The following EARS2 variants were observed in gnomAD, a reference collection of about 807,000 sequenced individuals.
EARS2 encodes the protein glutamyl-tRNA synthetase 2, mitochondrial, also known as nondiscriminating glutamyl-tRNA synthetase EARS2, mitochondrial.
Under a neutral mutation model 54.1 loss-of-function variants are expected in EARS2, and 50 were observed. The ratio of observed to expected loss-of-function variants is 0.92; its 90% confidence interval spans 0.74 to 1.17. The LOEUF is 1.17. Ranked by LOEUF, EARS2 falls within the 50% of genes most tolerant of loss-of-function variation. The pLI is 0.00. For missense variants in EARS2, 673 were observed against 675.0 expected, an observed-to-expected ratio of 1.00 and a Z score of 0.03; for synonymous variants, 298 against 281.0, an observed-to-expected ratio of 1.06 and a Z score of -0.61.
chr16:23,525,078 A>G, intron 8 of EARS2, 166 bp downstream of exon 8: 1 of 821,284 alleles, frequency 1.2e-6, no homozygotes, highest in Non-Finnish European at 2.0e-6. Flanking sequence ...ATGCTTGCAC[A>G]TAGTAGGTAC....
intron 1 of EARS2, among the ~76,000 whole-genome samples, chr16:23,556,209 G>A (rs1965779489): frequency 6.6e-6 from 1 of 151,992 alleles, no homozygotes; most frequent in South Asian, 2.1e-4. Context: ...GAACGTAGAA[G>A]GTAGCCTTAC....
chr16:23,548,369 G>A (rs543383331), intron 2 of EARS2, among the ~76,000 whole-genome samples: 20 of 152,164 alleles, frequency 1.3e-4, no homozygotes, highest in South Asian at 4.2e-4. Flanking sequence ...CCTCTGCCTC[G>A]CCAAAACACC....
At chr16:23,531,186 C>T (rs1240043799) in intron 5 of EARS2, among the ~76,000 whole-genome samples, 15 of 152,092 alleles carry the variant, frequency 9.9e-5, no homozygotes, top group Admixed American at 3.9e-4. Context: ...CATGAGCCAC[C>T]GCGCCCAGCC....
intron 1 of EARS2, 128 bp from the exon 2 acceptor site, chr16:23,552,432 C>T (rs1011299526): frequency 2.7e-5 from 28 of 1,051,324 alleles, no homozygotes; most frequent in South Asian, 6.5e-5. Flanking sequence ...CATTGGCTCA[C>T]GCCTGTAATC....
At chr16:23,539,332 T>C (rs1010075418) in intron 3 of EARS2, among the ~76,000 whole-genome samples, 1 of 152,188 alleles carries the variant, frequency 6.6e-6, no homozygotes, top group Non-Finnish European at 1.5e-5. Context: ...TTTTGGTTTG[T>C]GAAATCCATA....
At chr16:23,536,951 G>A (rs1424516384) in intron 3 of EARS2, 1 of 154,656 alleles carries the variant, frequency 6.5e-6, no homozygotes, top group African/African-American at 2.4e-5. Context: ...ATAGTGCTGG[G>A]ATTACAGGTG....
intron 7 of EARS2, among the ~76,000 whole-genome samples, chr16:23,529,119 C>T (rs577863146): frequency 2.0e-5 from 3 of 152,266 alleles, no homozygotes; most frequent in East Asian, 1.9e-4. Context: ...GCTTTGGTTG[C>T]GTTTGTAATT....
intron 2 of EARS2, chr16:23,545,021 T>G: frequency 4.3e-6 from 1 of 235,186 alleles, no homozygotes; most frequent in Non-Finnish European, 8.3e-6. Context: ...TTTGTATTTT[T>G]AGTAGAGACA....
intron 1 of EARS2, among the ~76,000 whole-genome samples, chr16:23,553,644 C>T (rs1006994895): frequency 2.6e-5 from 4 of 152,048 alleles, no homozygotes; most frequent in African/African-American, 9.7e-5. Context: ...TTAATCCCAG[C>T]ACTTTGGGAG....
At chr16:23,548,459 G>A (rs1243300967) in intron 2 of EARS2, among the ~76,000 whole-genome samples, 2 of 151,998 alleles carry the variant, frequency 1.3e-5, no homozygotes, top group African/African-American at 2.4e-5. Flanking sequence ...GGTGGGACCC[G>A]CCACCATCAC....
At position 23,524,463 on chromosome 16, in the gene EARS2, A is replaced by C. The variant is rs1965190896; in HGVS notation, c.1489-9T>G. The C allele has an allele frequency of 6.2e-7, 1 of 1,612,808 alleles. No individual in the cohort carries two copies. The highest frequency in any genetic ancestry group is 8.5e-7 in the Non-Finnish European group (1 of 1,178,870). ...GCTACAGGAGGTCCTTGCTAAGAAC[A>C]AAAAGAGCAAATATTGCCTTACTAC... is the stretch of plus-strand genomic sequence containing the variant. On this transcript the variant is annotated splice_polypyrimidine_tract_variant and intron_variant, in intron 8 of 8. Coordinates refer to ENST00000449606, the MANE Select transcript of EARS2 (RefSeq NM_001083614.2).
In EARS2 at chr16:23,536,412, G is replaced by A. The variant is rs536703869; in HGVS notation, c.486-1052C>T. 5.3e-5 allele frequency among the ~76,000 whole-genome samples: 8 copies of A among 152,216 alleles called. 1 individual carries two copies. In the South Asian group the frequency reaches 1.0e-3, roughly 20 times the overall value. On this transcript the variant is annotated intron_variant, in intron 3 of 8. Transcript: ENST00000449606. Reference sequence around the variant, plus strand: ...CTGACCTCAAGGGTTCAAGACCAGCGTGGGTAACATAGCAAAATCCTGTCT... The same window carrying A: ...CTGACCTCAAGGGTTCAAGACCAGCATGGGTAACATAGCAAAATCCTGTCT...
intron 4 of EARS2, among the ~76,000 whole-genome samples, chr16:23,533,546 C>T (rs1387119110): frequency 6.6e-6 from 1 of 152,126 alleles, no homozygotes; most frequent in Non-Finnish European, 1.5e-5. Context: ...ATATCAAGAG[C>T]CTGAATGAGC....
chr16:23,557,325 T>A lies in EARS2; in HGVS notation c.19A>T (p.Arg7Ter), dbSNP rs897651550. ...GAAGGCCTCTCGCGCTGCAGCAGTC[T>A]CCTCAGGAGCGCCGCCATGTGGGAT... MAALLR[R>*]LLQRERPSAA... The change falls in exon 1 of 9, where the codon AGA (arginine) becomes TGA (stop). Residue 7 changes from arginine (R) to a stop codon, truncating the protein, a stop_gained. Transcript: ENST00000449606. LOFTEE classifies it high-confidence loss of function. 12 of 1,541,574 alleles carry A rather than the reference T, an allele frequency of 7.8e-6. No homozygotes were observed. Among genetic ancestry groups the A allele is most frequent in the Non-Finnish European group, 1.0e-5 (12 of 1,151,350 alleles).
At chr16:23,533,510 A>C (rs1965360757) in intron 4 of EARS2, among the ~76,000 whole-genome samples, 1 of 152,164 alleles carries the variant, frequency 6.6e-6, no homozygotes, top group Admixed American at 6.5e-5. Context: ...ACTTTGCCCA[A>C]AGGGATTTAA....
At chr16:23,531,606 C>A (rs559049063) in intron 5 of EARS2, among the ~76,000 whole-genome samples, 1 of 152,146 alleles carries the variant, frequency 6.6e-6, no homozygotes, top group East Asian at 1.9e-4. Context: ...GTTCCTCATA[C>A]GTGAAACAGG....
At chr16:23,542,857 G>A (rs1478737718) in intron 3 of EARS2, among the ~76,000 whole-genome samples, 1 of 151,018 alleles carries the variant, frequency 6.6e-6, no homozygotes, top group East Asian at 2.0e-4. Flanking sequence ...GTTCACGCCT[G>A]TAATCCCAGC....
chr16:23,546,494 A>G (rs1965605568), intron 2 of EARS2: 1 of 453,128 alleles, frequency 2.2e-6, no homozygotes, highest in Non-Finnish European at 4.4e-6. Flanking sequence ...GACTAGAGTA[A>G]GATGATCTAA....
intron 7 of EARS2, among the ~76,000 whole-genome samples, chr16:23,528,638 C>T (rs184858375): frequency 2.6e-4 from 40 of 152,312 alleles, no homozygotes; most frequent in African/African-American, 8.7e-4. Flanking sequence ...CTATGGCTCA[C>T]GCCTGTAATC....
Sources: gnomAD v4.1 joint callset for allele counts (sites outside exome capture counted in the v4.1 genomes callset) on GRCh38, gnomAD v4.1.1 for gene constraint, MANE v1.5 for transcripts, NCBI Gene and HGNC (gene_info 2026-07-23, HGNC 2026-07-21) for gene names.